The following ACP2 variants were observed in gnomAD, a reference collection of about 807,000 sequenced individuals.
The protein encoded by ACP2 is lysosomal acid phosphatase.
Under a neutral mutation model 54.7 loss-of-function variants are expected in ACP2, and 35 were observed. The ratio of observed to expected loss-of-function variants is 0.64; its 90% CI spans 0.49 to 0.85. The LOEUF is 0.85. Ranked by LOEUF, ACP2 falls within the 40% of genes least tolerant of loss-of-function variation. ACP2 has a pLI of 0.00. For synonymous variants in ACP2, 210 were observed against 224.4 expected (o/e 0.94, Z 0.57); for missense variants, 492 against 565.0 (o/e 0.87, Z 1.31).
In ACP2 at chr11:47,240,266, C is replaced by T. The variant is rs1269339625; in HGVS notation, c.1139-17G>A. ...CAATCACCTCTGGGCATGGGGGAGG[C>T]AAGAGAAAGGTCATGTCAGCGTTCC... On this transcript the variant is annotated splice_polypyrimidine_tract_variant and intron_variant, in intron 10 of 10. Transcript: ENST00000672073. 7.8e-7 allele frequency: 1 copy of T among 1,286,438 alleles called. No homozygotes were observed. The allele number at this position is 1,286,438 out of a possible 1,614,324, so 79.7% of individuals were successfully genotyped here. A position where few individuals can be genotyped will look rare whatever the true frequency, so the allele number is the denominator to read the frequency against.
At chr11:47,246,507 T>C (rs1323211124) in intron 3 of ACP2, among the ~76,000 whole-genome samples, 6 of 152,016 alleles carry the variant, frequency 3.9e-5, no homozygotes, top group Non-Finnish European at 7.4e-5. Context: ...GCCCAGGAGT[T>C]TGAGGCTGCA....
Position 47,242,911 on chromosome 11 carries a change from A to G in ACP2, c.963-13T>C, listed in dbSNP as rs1953928172. On this transcript the variant is annotated splice_polypyrimidine_tract_variant and intron_variant, in intron 9 of 10. Coordinates refer to ENST00000672073, the MANE Select transcript of ACP2 (RefSeq NM_001610.4). Reference sequence around the variant, plus strand: ...CACTGAGAAATTCCTGAGGGTCGACAGGAGGCAACATGGGAGCTGCTCAGC... The same window carrying G: ...CACTGAGAAATTCCTGAGGGTCGACGGGAGGCAACATGGGAGCTGCTCAGC... The G allele has an allele frequency of 1.2e-6, 2 of 1,609,534 alleles. No homozygotes were observed. Among genetic ancestry groups the G allele is most frequent in the South Asian group, 2.2e-5 (2 of 90,930 alleles).
In ACP2 at chr11:47,240,037, G is replaced by T; in HGVS notation, c.*79C>A. The stretch of plus-strand genomic sequence containing the variant: ...CCAACCCAGGATCTCCTGTCCATGG[G>T]CTGGGGAGCAGCAACAGTCAGGAGC... On this transcript the variant is annotated 3_prime_UTR_variant, in exon 11 of 11. Transcript: ENST00000672073. 1 of 1,499,146 alleles carries T rather than the reference G, an allele frequency of 6.7e-7. No homozygotes were observed. Among genetic ancestry groups the T allele is most frequent in the Non-Finnish European group, 9.0e-7 (1 of 1,108,340 alleles). 92.9% of individuals were successfully genotyped at this position (1,499,146 alleles called of 1,614,324 possible). A position where few individuals can be genotyped will look rare whatever the true frequency, so the allele number is the denominator to read the frequency against.
chr11:47,244,635 T>C (rs1349163826), intron 7 of ACP2, 100 bp downstream of exon 7: 2 of 890,244 alleles, frequency 2.2e-6, no homozygotes, highest in South Asian at 2.8e-5. Context: ...GAGCAGGGAG[T>C]GTTTCAGTAG....
In ACP2 at chr11:47,243,338, C is replaced by T. The variant is rs1953944517; in HGVS notation, c.773-17G>A. ...GCAGGACTCCTGAAGGAGAAAAGTCCCCGGTGTTGCTGGCTACAGCCACCT... is the reference window on the plus strand; with the variant it reads ...GCAGGACTCCTGAAGGAGAAAAGTCTCCGGTGTTGCTGGCTACAGCCACCT... On this transcript the variant is annotated splice_polypyrimidine_tract_variant and intron_variant, in intron 7 of 10. Transcript: ENST00000672073. The T allele has an allele frequency of 2.5e-6, 4 of 1,611,888 alleles. No individual in the cohort carries two copies. The highest frequency in any genetic ancestry group is 1.7e-4 in the Middle Eastern group (1 of 6,058).
chr11:47,247,801 G>A, intron 2 of ACP2, 74 bp from the exon 3 acceptor site: 5 of 1,448,364 alleles, frequency 3.5e-6, no homozygotes, highest in Non-Finnish European at 4.7e-6. Context: ...TTTAGGCCCT[G>A]TTGCTTTCCA....
chr11:47,246,642 G>A (rs144049011), intron 3 of ACP2, among the ~76,000 whole-genome samples: 5,108 of 152,060 alleles, frequency 0.034, 122 homozygotes, highest in South Asian at 0.12. Flanking sequence ...TTAGGAGGCC[G>A]AGGCAGGCGG....
intron 2 of ACP2, 62 bp from the exon 3 acceptor site, chr11:47,247,789 G>A: frequency 6.6e-7 from 1 of 1,513,604 alleles, no homozygotes; most frequent in Non-Finnish European, 9.0e-7. Context: ...AGCCCCATGG[G>A]GTTTAGGCCC....
At chr11:47,243,371 C>T (rs982431273) in intron 7 of ACP2, 50 bp from the exon 8 acceptor site, 2 of 1,495,198 alleles carry the variant, frequency 1.3e-6, no homozygotes, top group African/African-American at 2.8e-5. Flanking sequence ...CCTCTGCCTT[C>T]TAATTAGACC....
chr11:47,242,590 A>G (rs1209608587), intron 10 of ACP2, 133 bp downstream of exon 10: 11 of 984,312 alleles, frequency 1.1e-5, no homozygotes, highest in Non-Finnish European at 1.7e-5. Context: ...GGTATAAAGC[A>G]GTCTGGGGTC....
Position 47,240,059 on chromosome 11 carries a change from G to A in ACP2, c.*57C>T. ...TGGGCTGGGGAGCAGCAACAGTCAG[G>A]AGCGAGGGCCCAGCCCACCTCCCCT... On this transcript the variant is annotated 3_prime_UTR_variant, in exon 11 of 11. Coordinates refer to ENST00000672073, the MANE Select transcript of ACP2 (RefSeq NM_001610.4). 6.4e-7 allele frequency: 1 copy of A among 1,563,050 alleles called. No homozygotes were observed. The highest frequency in any genetic ancestry group is 8.7e-7 in the Non-Finnish European group (1 of 1,152,670).
chr11:47,248,782 C>G lies in ACP2; in HGVS notation c.8G>C (p.Gly3Ala). 6.3e-7 allele frequency: 1 copy of G among 1,593,636 alleles called. No homozygotes were observed. MA[G>A]KRSGWSRAAL... ...CGCCCGGCTCCAGCCGGACCGCTTG[C>G]CCGCCATCACCGTTGTAATCTATGC... Residue 3 changes from glycine to alanine, a missense_variant, in exon 1 of 11, where the codon GGC (glycine) becomes GCC (alanine). Transcript: ENST00000672073.
At chr11:47,241,999 G>A (rs1953894193) in intron 10 of ACP2, among the ~76,000 whole-genome samples, 2 of 152,202 alleles carry the variant, frequency 1.3e-5, no homozygotes, top group Admixed American at 1.3e-4. Flanking sequence ...AGATCACTTG[G>A]GAGTGTGCAC....
intron 1 of ACP2, 140 bp downstream of exon 1, chr11:47,248,536 C>A (rs1354349929): frequency 6.4e-7 from 1 of 1,551,602 alleles, no homozygotes; most frequent in Non-Finnish European, 8.7e-7. Context: ...CCAGGTCAAT[C>A]CTGAATCCAG....
intron 10 of ACP2, 117 bp downstream of exon 10, chr11:47,242,606 G>T: frequency 7.9e-7 from 1 of 1,273,474 alleles, no homozygotes; most frequent in Non-Finnish European, 1.1e-6. Flanking sequence ...GGGTCGGGGA[G>T]GGAACTCCTA....
intron 9 of ACP2, 46 bp from the exon 10 acceptor site, chr11:47,242,944 T>C: frequency 6.2e-7 from 1 of 1,609,934 alleles, no homozygotes; most frequent in South Asian, 1.1e-5. Flanking sequence ...AGCCTGCCCA[T>C]CATGGGGTCC....
chr11:47,240,161 C>T lies in ACP2; in HGVS notation c.1227G>A (p.Gln409=). Residue 409 remains glutamine (Q), a synonymous_variant, in exon 11 of 11, where the codon CAG becomes CAA. Transcript: ENST00000672073. ...CTGCGACGTGGCGGTAGCCAGGAGG[C>T]TGGGCCTGCATCCGGAAGAGGACGG... ...LLTVLFRMQA[Q]PPGYRHVADG... The T allele has an allele frequency of 1.9e-6, 3 of 1,614,114 alleles. No homozygotes were observed. Among genetic ancestry groups the T allele is most frequent in the Non-Finnish European group, 2.5e-6 (3 of 1,180,004 alleles).
chr11:47,243,713 T>TA (rs1372353745), intron 7 of ACP2, among the ~76,000 whole-genome samples: 1 of 152,108 alleles, frequency 6.6e-6, no homozygotes, highest in Non-Finnish European at 1.5e-5. Context: ...GGCATGCCCT[T>TA]AGGTGCTCAA....
At chr11:47,241,604 C>T (rs955517541) in intron 10 of ACP2, among the ~76,000 whole-genome samples, 3 of 152,178 alleles carry the variant, frequency 2.0e-5, no homozygotes, top group African/African-American at 7.2e-5. Flanking sequence ...GCTTTTCATT[C>T]GGTCAGGCAA....
Sources: allele counts gnomAD v4.1 joint callset (sites outside exome capture counted in the v4.1 genomes callset), GRCh38; gene constraint gnomAD v4.1.1; transcripts MANE v1.5; gene names NCBI Gene and HGNC (gene_info 2026-07-23, HGNC 2026-07-21).